The following ARHGAP42 variants were observed in gnomAD, a reference collection of about 807,000 sequenced individuals.
ARHGAP42 encodes the protein rho GTPase-activating protein 42.
ARHGAP42 carries 63 observed loss-of-function variants against 125.0 expected under a neutral mutation model. The ratio of observed to expected loss-of-function variants is 0.50; its 90% CI spans 0.41 to 0.62. The LOEUF (loss-of-function observed/expected upper bound fraction) is 0.62, where lower values mean the gene tolerates loss of function less well. Ranked by LOEUF, ARHGAP42 falls within the 20% of genes least tolerant of loss-of-function variation. The pLI, the probability that ARHGAP42 is intolerant of heterozygous loss-of-function variation, is 0.00. For synonymous variants in ARHGAP42, 339 were observed against 351.0 expected, an observed-to-expected ratio of 0.97 and a Z score of 0.38; for missense variants, 766 against 1,024.2, an observed-to-expected ratio of 0.75 and a Z score of 3.44.
intron 3 of ARHGAP42, among the ~76,000 whole-genome samples, chr11:100,834,495 C>T (rs915058517): frequency 2.0e-5 from 3 of 152,102 alleles, no homozygotes; most frequent in Non-Finnish European, 4.4e-5. Flanking sequence ...CTACAGACAT[C>T]ATACCTGGGA....
chr11:100,830,079 G>C (rs140408147), intron 3 of ARHGAP42, among the ~76,000 whole-genome samples: 11 of 152,316 alleles, frequency 7.2e-5, no homozygotes, highest in Non-Finnish European at 1.6e-4. Flanking sequence ...GGGCTCAGAA[G>C]TTAAAATCTT....
At chr11:100,770,527 A>G (rs186168404) in intron 2 of ARHGAP42, 89 bp downstream of exon 2, 213 of 990,626 alleles carry the variant, frequency 2.2e-4, no homozygotes, top group Non-Finnish European at 3.0e-4. Flanking sequence ...AACATGTAAA[A>G]TATTTTCTGA....
chr11:100,903,914 A>G (rs1461604547), intron 4 of ARHGAP42, among the ~76,000 whole-genome samples: 3 of 151,546 alleles, frequency 2.0e-5, no homozygotes, highest in Non-Finnish European at 4.4e-5. Context: ...GCATGGGAGA[A>G]AGATGTAGGC....
At chr11:100,913,109 G>T (rs548616054) in intron 4 of ARHGAP42, among the ~76,000 whole-genome samples, 1 of 152,002 alleles carries the variant, frequency 6.6e-6, no homozygotes, top group African/African-American at 2.4e-5. Flanking sequence ...AGAATCTATT[G>T]TTAAGAGTCA....
chr11:100,701,865 G>A (rs537263872), intron 1 of ARHGAP42, among the ~76,000 whole-genome samples: 1 of 152,170 alleles, frequency 6.6e-6, no homozygotes, highest in Non-Finnish European at 1.5e-5. Context: ...AAATGGAGTA[G>A]CACTTTTAAT....
chr11:100,802,724 G>A (rs2135045825), intron 3 of ARHGAP42, among the ~76,000 whole-genome samples: 1 of 152,294 alleles, frequency 6.6e-6, no homozygotes, highest in African/African-American at 2.4e-5. Context: ...CACTGAGCCT[G>A]GCCTGGCCCT....
chr11:100,740,025 T>G (rs969030311), intron 1 of ARHGAP42, among the ~76,000 whole-genome samples: 4 of 152,168 alleles, frequency 2.6e-5, no homozygotes, highest in African/African-American at 9.7e-5. Context: ...TTAAAGAAAG[T>G]TACTTGGTGT....
At chr11:100,931,781 T>C (rs1867589301) in intron 6 of ARHGAP42, among the ~76,000 whole-genome samples, 4 of 152,190 alleles carry the variant, frequency 2.6e-5, no homozygotes, top group Admixed American at 2.0e-4. Context: ...ATTAAAGGTA[T>C]TTTTGATCCA....
At chr11:100,719,441 T>A (rs777530283) in intron 1 of ARHGAP42, among the ~76,000 whole-genome samples, 2 of 152,158 alleles carry the variant, frequency 1.3e-5, no homozygotes, top group Non-Finnish European at 2.9e-5. Context: ...ACAGATGGAT[T>A]CAGAGGACCT....
intron 4 of ARHGAP42, among the ~76,000 whole-genome samples, chr11:100,897,184 G>A (rs571067924): frequency 1.1e-4 from 17 of 152,276 alleles, no homozygotes; most frequent in African/African-American, 3.9e-4. Context: ...TCTCTGTTCT[G>A]TTCCATTGGT....
chr11:100,718,328 T>A (rs1185781642), intron 1 of ARHGAP42, among the ~76,000 whole-genome samples: 1 of 152,230 alleles, frequency 6.6e-6, no homozygotes, highest in Non-Finnish European at 1.5e-5. Context: ...TAGCATCTGA[T>A]ACTAAGGTCA....
chr11:100,745,024 A>G (rs1208051552), intron 1 of ARHGAP42, among the ~76,000 whole-genome samples: 1 of 138,706 alleles, frequency 7.2e-6, no homozygotes. Flanking sequence ...GCTAATTTAA[A>G]GAGAGTGATG....
chr11:100,858,283 T>G (rs1382860875), intron 3 of ARHGAP42, among the ~76,000 whole-genome samples: 1 of 152,140 alleles, frequency 6.6e-6, no homozygotes, highest in Non-Finnish European at 1.5e-5. Context: ...GATTAGGTGA[T>G]GGATGCCAGT....
chr11:100,789,772 G>A (rs946120417), intron 2 of ARHGAP42, among the ~76,000 whole-genome samples: 2 of 152,256 alleles, frequency 1.3e-5, no homozygotes, highest in African/African-American at 4.8e-5. Flanking sequence ...AAGGGATTTG[G>A]GCAGTCTAAT....
At chr11:100,888,474 T>C (rs1051408063) in intron 4 of ARHGAP42, among the ~76,000 whole-genome samples, 3 of 152,172 alleles carry the variant, frequency 2.0e-5, no homozygotes, top group Non-Finnish European at 4.4e-5. Flanking sequence ...GGGTTATATA[T>C]GTTTATGTGT....
intron 1 of ARHGAP42, among the ~76,000 whole-genome samples, chr11:100,769,893 A>G (rs190962484): frequency 6.6e-6 from 1 of 152,046 alleles, no homozygotes; most frequent in Non-Finnish European, 1.5e-5. Flanking sequence ...GTTAATACCT[A>G]GGTGATGGGT....
rs188225444 is a variant in ARHGAP42 at position 100,960,032 on chromosome 11, T to C, written c.1225+87T>C. ...CTCAGAGTAGATAAATCATTGAAGA[T>C]GTATTTGGTCATTAACATGGATTAA... On this transcript the variant is annotated intron_variant, in intron 13 of 23. Coordinates refer to ENST00000298815, the MANE Select transcript of ARHGAP42 (RefSeq NM_152432.4). The C allele has an allele frequency of 2.0e-5, 24 of 1,202,294 alleles. No individual in the cohort carries two copies. In the African/African-American group the frequency reaches 3.0e-4, roughly 15 times the overall value. The allele number at this position is 1,202,294 out of a possible 1,614,324, so 74.5% of individuals were successfully genotyped here.
At chr11:100,934,614 T>C (rs1396008881) in intron 7 of ARHGAP42, among the ~76,000 whole-genome samples, 1 of 152,200 alleles carries the variant, frequency 6.6e-6, no homozygotes, top group East Asian at 1.9e-4. Context: ...TTATCAAACC[T>C]GACAAATAAT....
intron 1 of ARHGAP42, among the ~76,000 whole-genome samples, chr11:100,769,771 A>G (rs1257243745): frequency 7.1e-6 from 1 of 140,172 alleles, no homozygotes; most frequent in Non-Finnish European, 1.5e-5. Flanking sequence ...TAGCTGAACA[A>G]TGAGAACATA....
Sources: gnomAD v4.1 joint callset for allele counts (sites outside exome capture counted in the v4.1 genomes callset) on GRCh38, gnomAD v4.1.1 for gene constraint, MANE v1.5 for transcripts, NCBI Gene and HGNC (gene_info 2026-07-23, HGNC 2026-07-21) for gene names.